Variants in BCAS3 observed in about 807,000 individuals in gnomAD.
BCAS3 encodes BCAS3 microtubule associated cell migration factor, also known as BCAS4/BCAS3 fusion.
Under a neutral mutation model 116.1 loss-of-function variants are expected in BCAS3, and 53 were observed. The ratio of observed to expected loss-of-function variants is 0.46; its 90% CI spans 0.37 to 0.57. BCAS3 has a LOEUF of 0.57. Among genes scored for constraint, BCAS3 ranks in the 20% least tolerant of loss-of-function variants. BCAS3 has a pLI of 0.00. For missense variants in BCAS3, 917 were observed against 1,165.4 expected (o/e 0.79, Z 3.10); for synonymous variants, 391 against 408.2 (o/e 0.96, Z 0.51).
chr17:61,344,684 T>C lies in BCAS3; in HGVS notation c.2426-23643T>C, dbSNP rs1367400564. On this transcript the variant is annotated intron_variant, in intron 22 of 23. Coordinates refer to ENST00000407086, the MANE Select transcript of BCAS3 (RefSeq NM_017679.5). This position sits in a 1 kb window ranked among gnomAD's most constrained non-coding sequence, Gnocchi z 4.1. Reference sequence around the variant, plus strand: ...TTCGATTTAAGCTGCAGTTGAGGGATGAGCAAGGCGAAGATGTAAAGGCCC... The same window carrying C: ...TTCGATTTAAGCTGCAGTTGAGGGACGAGCAAGGCGAAGATGTAAAGGCCC... Among the ~76,000 whole-genome samples, 1 of 151,972 alleles carries C rather than the reference T, an allele frequency of 6.6e-6. No individual in the cohort carries two copies. Among genetic ancestry groups the C allele is most frequent in the African/African-American group, 2.4e-5 (1 of 41,354 alleles).
rs143729977 is a variant in BCAS3 at position 61,377,581 on chromosome 17, T to G, written c.2593+9087T>G. Among the ~76,000 whole-genome samples the G allele has an allele frequency of 1.4e-4, 21 of 152,288 alleles. 1 individual carries two copies. The East Asian group carries it at 4.1e-3, about 29-fold the overall frequency. ...CCCTGGGCAAGTGCCTTTCCCTCTCTGGGCCAGTTTCTTCCTCTGTGACAC... is the reference window on the plus strand; with the variant it reads ...CCCTGGGCAAGTGCCTTTCCCTCTCGGGGCCAGTTTCTTCCTCTGTGACAC... On this transcript the variant is annotated intron_variant, in intron 23 of 23. Coordinates refer to ENST00000407086, the MANE Select transcript of BCAS3 (RefSeq NM_017679.5). This position sits in a 1 kb window ranked among gnomAD's most constrained non-coding sequence, Gnocchi z 4.6.
chr17:60,754,546 T>G (rs1339460190), intron 6 of BCAS3, among the ~76,000 whole-genome samples: 2 of 150,968 alleles, frequency 1.3e-5, no homozygotes, highest in Non-Finnish European at 2.9e-5. Flanking sequence ...CTGATGTTTT[T>G]TACATTAATA....
At chr17:60,963,101 T>C (rs2061487973) in intron 14 of BCAS3, among the ~76,000 whole-genome samples, 3 of 152,222 alleles carry the variant, frequency 2.0e-5, no homozygotes, top group Non-Finnish European at 2.9e-5. Flanking sequence ...TCTGTGTATC[T>C]ATTTTTATGC....
In BCAS3 at chr17:61,032,039, A is replaced by G. The variant is rs2066681236; in HGVS notation, c.1638-2627A>G. On this transcript the variant is annotated intron_variant, in intron 16 of 23. Coordinates refer to ENST00000407086, the MANE Select transcript of BCAS3 (RefSeq NM_017679.5). This position sits in a 1 kb window ranked among gnomAD's most constrained non-coding sequence, Gnocchi z 4.6. Reference sequence around the variant, plus strand: ...TTAGACTCTAAACTAGTAAACATACAAAAAATATTTTTTGTATGTCAAAAA... The same window carrying G: ...TTAGACTCTAAACTAGTAAACATACGAAAAATATTTTTTGTATGTCAAAAA... 6.6e-6 allele frequency among the ~76,000 whole-genome samples: 1 copy of G among 152,138 alleles called. No homozygotes were observed. The highest frequency in any genetic ancestry group is 1.5e-5 in the Non-Finnish European group (1 of 68,000).
rs1019086252 is a variant in BCAS3, at chr17:61,211,270, A to G, written c.2425+126706A>G. Among the ~76,000 whole-genome samples the G allele has an allele frequency of 6.6e-6, 1 of 152,212 alleles. No homozygotes were observed. Among genetic ancestry groups the G allele is most frequent in the African/African-American group, 2.4e-5 (1 of 41,454 alleles). ...TCAGATGATAATCCAGTTGGCCACC[A>G]AGGGGTTGTGCTTCCTTACTGACTG... On this transcript the variant is annotated intron_variant, in intron 22 of 23. Transcript: ENST00000407086. The surrounding 1 kb of genome is among the most constrained non-coding windows in gnomAD (Gnocchi z 4.4).
At chr17:61,044,589 G>A (rs2067873545) in intron 19 of BCAS3, among the ~76,000 whole-genome samples, 1 of 151,268 alleles carries the variant, frequency 6.6e-6, no homozygotes, top group African/African-American at 2.4e-5. Context: ...GATGTTAAAT[G>A]AGGACTTATT....
chr17:60,905,115 C>A (rs527699303), intron 11 of BCAS3, among the ~76,000 whole-genome samples: 1 of 152,164 alleles, frequency 6.6e-6, no homozygotes, highest in African/African-American at 2.4e-5. Context: ...ATATAGGATA[C>A]CATATATATT....
chr17:61,157,335 G>A (rs1224247458), intron 22 of BCAS3: 1 of 152,036 alleles, frequency 6.6e-6, no homozygotes, highest in African/African-American at 2.4e-5. Flanking sequence ...TGATTTCTAA[G>A]TACTTTTCCT....
rs1253962602 is a variant in BCAS3, at chr17:61,313,329, C to T, written c.2426-54998C>T. Among the ~76,000 whole-genome samples the T allele has an allele frequency of 6.6e-6, 1 of 152,200 alleles. No individual in the cohort carries two copies. Among genetic ancestry groups the T allele is most frequent in the East Asian group, 1.9e-4 (1 of 5,198 alleles). ...AAAGACTGTCTTCCCTCCACCATGCCCTACTACCTTCCTATAGGAAGCTTA... is the reference window on the plus strand; with the variant it reads ...AAAGACTGTCTTCCCTCCACCATGCTCTACTACCTTCCTATAGGAAGCTTA... On this transcript the variant is annotated intron_variant, in intron 22 of 23. Transcript: ENST00000407086. The surrounding 1 kb of genome is among the most constrained non-coding windows in gnomAD (Gnocchi z 4.3).
chr17:60,886,820 G>A (rs56098282), intron 9 of BCAS3, among the ~76,000 whole-genome samples: 5 of 151,978 alleles, frequency 3.3e-5, no homozygotes, highest in East Asian at 1.9e-4. Flanking sequence ...CTCCAGCTGC[G>A]TGCTGGGAGA....
chr17:61,102,765 T>C (rs2074405702), intron 22 of BCAS3, among the ~76,000 whole-genome samples: 2 of 152,126 alleles, frequency 1.3e-5, no homozygotes, highest in African/African-American at 4.8e-5. Flanking sequence ...CTGTCTCTGA[T>C]GTTGTAAAAA....
intron 14 of BCAS3, among the ~76,000 whole-genome samples, chr17:60,966,961 C>T (rs1168589537): frequency 2.0e-5 from 3 of 152,002 alleles, no homozygotes; most frequent in African/African-American, 7.2e-5. Context: ...AGCATCTTGA[C>T]TTTTGGTTAT....
intron 7 of BCAS3, among the ~76,000 whole-genome samples, chr17:60,816,482 C>T (rs1598912484): frequency 6.6e-6 from 1 of 151,920 alleles, no homozygotes; most frequent in Non-Finnish European, 1.5e-5. Flanking sequence ...ACCATTTTGG[C>T]CAGGATGGTC....
At chr17:60,976,815 A>G (rs1023515468) in intron 14 of BCAS3, among the ~76,000 whole-genome samples, 10 of 152,204 alleles carry the variant, frequency 6.6e-5, no homozygotes, top group African/African-American at 1.4e-4. Flanking sequence ...ACACAACACA[A>G]TGGAGTCTCC....
Position 61,230,796 on chromosome 17 carries a change from G to T in BCAS3, c.2426-137531G>T, listed in dbSNP as rs1568621611. ...TGGTATAATGATCTATTTTCCTTTG[G>T]ATATATATATACCCATAATGGGATT... On this transcript the variant is annotated intron_variant, in intron 22 of 23. Coordinates refer to ENST00000407086, the MANE Select transcript of BCAS3 (RefSeq NM_017679.5). 2.0e-5 allele frequency among the ~76,000 whole-genome samples: 3 copies of T among 151,810 alleles called. No homozygotes were observed. In the South Asian group the frequency reaches 6.2e-4, roughly 32 times the overall value.
At chr17:60,729,631 A>G (rs898202551) in intron 5 of BCAS3, among the ~76,000 whole-genome samples, 1 of 152,200 alleles carries the variant, frequency 6.6e-6, no homozygotes, top group African/African-American at 2.4e-5. Flanking sequence ...CTCCTTGGTT[A>G]ATTATCTATT....
At chr17:61,268,442 T>C (rs2049946757) in intron 22 of BCAS3, among the ~76,000 whole-genome samples, 1 of 152,200 alleles carries the variant, frequency 6.6e-6, no homozygotes, top group Admixed American at 6.5e-5. Flanking sequence ...TATAACATTA[T>C]CATCTTAAGT....
chr17:61,322,229 C>T (rs576447723), intron 22 of BCAS3, among the ~76,000 whole-genome samples: 3 of 152,302 alleles, frequency 2.0e-5, no homozygotes, highest in South Asian at 4.1e-4. Flanking sequence ...CCACCACACC[C>T]GGCCCCACTT....
intron 6 of BCAS3, among the ~76,000 whole-genome samples, chr17:60,757,928 G>T (rs1456018196): frequency 6.6e-6 from 1 of 152,024 alleles, no homozygotes; most frequent in Non-Finnish European, 1.5e-5. Flanking sequence ...ATCTCGAGTT[G>T]ATTTTTGTAT....
Sources: allele counts gnomAD v4.1 joint callset (sites outside exome capture counted in the v4.1 genomes callset), GRCh38; gene constraint gnomAD v4.1.1; non-coding constraint Gnocchi (gnomAD v3.1); transcripts MANE v1.5; gene names NCBI Gene and HGNC (gene_info 2026-07-23, HGNC 2026-07-21).